The following KCNAB2 variants were observed in gnomAD, a reference collection of about 807,000 sequenced individuals.
KCNAB2 encodes voltage-gated potassium channel subunit beta-2.
A neutral mutation model predicts 63.6 loss-of-function variants in KCNAB2; 29 were observed. That is an observed-to-expected ratio of 0.46 (90% CI 0.34 to 0.62). The LOEUF is 0.62. Ranked by LOEUF, KCNAB2 falls within the 20% of genes least tolerant of loss-of-function variation. KCNAB2 has a pLI of 0.01. For synonymous variants in KCNAB2, 222 were observed against 224.2 expected (o/e 0.99, Z 0.09); for missense variants, 359 against 563.9 (o/e 0.64, Z 3.68).
At chr1:6,049,735 T>C (rs1661232291) in intron 1 of KCNAB2, among the ~76,000 whole-genome samples, 2 of 152,232 alleles carry the variant, frequency 1.3e-5, no homozygotes, top group South Asian at 4.1e-4. Context: ...CCACCTTCCC[T>C]ACCTCAATTG....
At chr1:6,076,994 G>T (rs1663722406) in intron 4 of KCNAB2, among the ~76,000 whole-genome samples, 1 of 152,106 alleles carries the variant, frequency 6.6e-6, no homozygotes, top group Non-Finnish European at 1.5e-5. Context: ...GACCAGCCTG[G>T]CCAATATGGT....
chr1:6,016,231 C>T (rs1010182565), intron 1 of KCNAB2, among the ~76,000 whole-genome samples: 1 of 152,168 alleles, frequency 6.6e-6, no homozygotes, highest in African/African-American at 2.4e-5. Context: ...AGGGGCCAAG[C>T]AGGGTCCCCC....
At chr1:6,015,963 A>G (rs1466925403) in intron 1 of KCNAB2, among the ~76,000 whole-genome samples, 3 of 152,118 alleles carry the variant, frequency 2.0e-5, no homozygotes, top group East Asian at 3.9e-4. Context: ...CGGCCTCCCA[A>G]AGTGTTAGGA....
At chr1:6,053,873 T>C (rs1661586559) in intron 2 of KCNAB2, among the ~76,000 whole-genome samples, 2 of 151,544 alleles carry the variant, frequency 1.3e-5, no homozygotes, top group Middle Eastern at 3.4e-3. Context: ...CGAAACCCCA[T>C]CTCTAAATAC....
chr1:6,098,105 C>T, intron 15 of KCNAB2: 1 of 993,782 alleles, frequency 1.0e-6, no homozygotes, highest in East Asian at 1.0e-4. Flanking sequence ...AAGTCGGTCC[C>T]CGGGTGTGTC....
chr1:6,089,141 C>A, intron 8 of KCNAB2, 90 bp downstream of exon 8: 12 of 1,345,042 alleles, frequency 8.9e-6, no homozygotes, highest in Non-Finnish European at 1.2e-5. Flanking sequence ...CCCGACCCCC[C>A]CAGTTAACCC....
Position 6,074,738 on chromosome 1 carries a change from TCAC to T in KCNAB2, c.300+970_300+972del, listed in dbSNP as rs1174953826. 3.9e-5 allele frequency among the ~76,000 whole-genome samples: 6 copies of T among 152,216 alleles called. No individual in the cohort carries two copies. In the East Asian group the frequency reaches 1.2e-3, roughly 29 times the overall value. On this transcript the variant is annotated intron_variant, in intron 4 of 15. Coordinates refer to ENST00000378083, the MANE Select transcript of KCNAB2 (RefSeq NM_001199862.2). The surrounding 1 kb of genome is among the most constrained non-coding windows in gnomAD (Gnocchi z 4.9). ...ACTTTGGAAGGCTGGGGCGGGCGGA[TCAC>T]CTGAGGTCAGGAGTTCCAGCCTGGC...
upstream of KCNAB2, chr1:5,992,714 G>T (rs986726545): frequency 6.6e-6 from 1 of 152,322 alleles, no homozygotes; most frequent in South Asian, 2.1e-4. Context: ...GGGATTCGGG[G>T]GCGCTAAAGT....
At chr1:6,001,003 A>T (rs768257729) in intron 1 of KCNAB2, among the ~76,000 whole-genome samples, 138 of 152,322 alleles carry the variant, frequency 9.1e-4, no homozygotes, top group Non-Finnish European at 1.5e-3. Context: ...AGGGGGAAGC[A>T]CTGGATGGCT....
At position 6,035,534 on chromosome 1, in the gene KCNAB2, C is replaced by G. The variant is rs888439317; in HGVS notation, c.-53+740C>G. 2.0e-5 allele frequency among the ~76,000 whole-genome samples: 3 copies of G among 151,702 alleles called. No individual in the cohort carries two copies. The highest frequency in any genetic ancestry group is 4.8e-5 in the African/African-American group (2 of 41,268). ...GATGGATTGGATGTGGGAGGCGGGA[C>G]GTGGGAGGAAGGGAGGAGTCGGGGT... On this transcript the variant is annotated intron_variant, in intron 1 of 15. Transcript: ENST00000164247. The surrounding 1 kb of genome is among the most constrained non-coding windows in gnomAD (Gnocchi z 5.0).
In KCNAB2 at chr1:6,035,657, G is replaced by A. The variant is rs1420701459; in HGVS notation, c.-53+863G>A. ...ACTGGGCTGGGGGTGAGGGCAGTCG[G>A]GAGCTCAGTGTCTGACCCAGGAATC... On this transcript the variant is annotated intron_variant, in intron 1 of 15. Transcript: ENST00000164247. The surrounding 1 kb of genome is among the most constrained non-coding windows in gnomAD (Gnocchi z 5.0). Among the ~76,000 whole-genome samples, 1 of 151,884 alleles carries A rather than the reference G, an allele frequency of 6.6e-6. No homozygotes were observed. Among genetic ancestry groups the A allele is most frequent in the Non-Finnish European group, 1.5e-5 (1 of 67,964 alleles).
chr1:6,095,198 G>A (rs370423105), intron 11 of KCNAB2, 125 bp from the exon 12 acceptor site: 21 of 1,004,442 alleles, frequency 2.1e-5, no homozygotes, highest in Middle Eastern at 3.1e-4. Flanking sequence ...GCAGTGGGGA[G>A]CCCGGGCTGC....
chr1:6,004,505 A>G (rs1319180184), intron 1 of KCNAB2, among the ~76,000 whole-genome samples: 1 of 151,858 alleles, frequency 6.6e-6, no homozygotes, highest in Non-Finnish European at 1.5e-5. Context: ...CTGGAGACCG[A>G]GGTAGCATGT....
At chr1:6,095,465 G>GCGGC in intron 12 of KCNAB2, 22 bp downstream of exon 12, 1 of 1,586,146 alleles carries the variant, frequency 6.3e-7, no homozygotes, top group South Asian at 1.1e-5. Context: ...CGGGCCCCTC[G>GCGGC]CCCCGCCCCA....
chr1:6,083,949 A>G (rs1664431628), intron 5 of KCNAB2, among the ~76,000 whole-genome samples: 1 of 152,218 alleles, frequency 6.6e-6, no homozygotes, highest in Non-Finnish European at 1.5e-5. Context: ...GATCGCTGCT[A>G]GCTTTTCTCT....
chr1:6,085,468 C>T (rs577251480), intron 6 of KCNAB2, among the ~76,000 whole-genome samples: 4 of 152,282 alleles, frequency 2.6e-5, no homozygotes, highest in African/African-American at 9.6e-5. Context: ...CACCCCCACC[C>T]TAGCCTGCCC....
chr1:6,051,557 C>G lies in KCNAB2; in HGVS notation c.21C>G (p.Ser7Arg), dbSNP rs1476448889. The change falls in exon 2 of 16, where the codon AGC becomes AGG. Residue 7 changes from serine to arginine, a missense_variant. By Grantham distance (110) the Ser-to-Arg change is moderately radical. Around this residue, in one of 2 missense-constraint regions of KCNAB2, gnomAD observed 88 missense variants for 87.8 expected, o/e 1.00. Transcript: ENST00000378083. ...GCACCATGCTGTCCATGACGTACAG[C>G]GAGAGTCTGCGGAGCGTGAGCAGCA... MLSMTY[S>R]ESLRSVSSRC... 2 of 1,531,582 alleles carry G rather than the reference C, an allele frequency of 1.3e-6. No individual in the cohort carries two copies. The highest frequency in any genetic ancestry group is 8.7e-7 in the Non-Finnish European group (1 of 1,143,988). The allele number at this position is 1,531,582 out of a possible 1,614,324, so 94.9% of individuals were successfully genotyped here.
At chr1:6,029,349 A>G (rs1190390264), upstream of KCNAB2, among the ~76,000 whole-genome samples, 1 of 151,952 alleles carries the variant, frequency 6.6e-6, no homozygotes, top group Non-Finnish European at 1.5e-5. Context: ...GCCTCCTGAC[A>G]GCCAAGGAGA....
At position 5,994,621 on chromosome 1, in the gene KCNAB2, G is replaced by A. The variant is rs1557912599; in HGVS notation, c.-53+1833G>A. On this transcript the variant is annotated intron_variant, in intron 1 of 16. Coordinates refer to the KCNAB2 transcript ENST00000341524. This position sits in a 1 kb window ranked among gnomAD's most constrained non-coding sequence, Gnocchi z 5.4. ...AGGCACTGGAGTTGGGGGGTGTCGT[G>A]AAAAAGTGTGAAACCCTTTTCGTGT... 1.3e-5 allele frequency among the ~76,000 whole-genome samples: 2 copies of A among 152,134 alleles called. No homozygotes were observed. Among genetic ancestry groups the A allele is most frequent in the Non-Finnish European group, 2.9e-5 (2 of 68,000 alleles).
Sources: gnomAD v4.1 joint callset for allele counts (sites outside exome capture counted in the v4.1 genomes callset) on GRCh38, gnomAD v4.1.1 for gene constraint, gnomAD v4.1.1 regional missense constraint, Gnocchi (gnomAD v3.1) non-coding constraint, MANE v1.5 for transcripts, NCBI Gene and HGNC (gene_info 2026-07-23, HGNC 2026-07-21) for gene names.